Variants in DACH2 observed in about 807,000 individuals in gnomAD.
DACH2 encodes the protein dachshund homolog 2.
A neutral mutation model predicts 35.8 loss-of-function variants in DACH2; 17 were observed. That is an observed-to-expected ratio of 0.48 (90% CI 0.33 to 0.71). The LOEUF (loss-of-function observed/expected upper bound fraction) is 0.71. Ranked by LOEUF, DACH2 falls within the 30% of genes least tolerant of loss-of-function variation. The pLI is 0.02. For missense variants in DACH2, 469 were observed against 472.7 expected, an observed-to-expected ratio of 0.99 and a Z score of 0.07; for synonymous variants, 195 against 177.3, an observed-to-expected ratio of 1.10 and a Z score of -0.79.
chrX:86,641,726 G>A (rs2040349354), intron 3 of DACH2, among the ~76,000 whole-genome samples: 1 of 111,805 alleles, frequency 8.9e-6, no homozygotes, highest in Non-Finnish European at 1.9e-5. Flanking sequence ...AACCTACAAA[G>A]GGATTCCCAT....
intron 3 of DACH2, among the ~76,000 whole-genome samples, chrX:86,617,729 A>G (rs2040023351): frequency 8.9e-6 from 1 of 112,050 alleles, no homozygotes; most frequent in African/African-American, 3.2e-5. Flanking sequence ...TAAAATGTGA[A>G]TTATCAATGC....
At chrX:86,523,461 A>G (rs2038587416) in intron 3 of DACH2, among the ~76,000 whole-genome samples, 1 of 111,922 alleles carries the variant, frequency 8.9e-6, no homozygotes, top group Non-Finnish European at 1.9e-5. Context: ...AACCATTCTG[A>G]TAGTTTCCTT....
At chrX:86,804,333 A>G (rs896439079) in intron 7 of DACH2, among the ~76,000 whole-genome samples, 11 of 111,529 alleles carry the variant, frequency 9.9e-5, no homozygotes, top group African/African-American at 3.6e-4. Flanking sequence ...ACTCACTATC[A>G]TGAGAACCGC....
At chrX:86,806,956 G>A (rs893117875) in intron 7 of DACH2, among the ~76,000 whole-genome samples, 13 of 111,617 alleles carry the variant, frequency 1.2e-4, no homozygotes, top group East Asian at 2.8e-4. Context: ...CTTTGTGGGC[G>A]TTTTGCAACA....
chrX:86,416,199 C>A (rs752999980), intron 2 of DACH2, among the ~76,000 whole-genome samples: 1 of 112,072 alleles, frequency 8.9e-6, no homozygotes, highest in African/African-American at 3.2e-5. Context: ...GAGTGATGAA[C>A]AGAAATGTGA....
At chrX:86,694,938 G>T in intron 4 of DACH2, 83 bp from the exon 5 acceptor site, 2 of 729,736 alleles carry the variant, frequency 2.7e-6, no homozygotes, top group Non-Finnish European at 3.7e-6. Context: ...TAGTATTCAT[G>T]ATTACAGCCC....
chrX:86,178,451 G>A (rs1362351266), intron 1 of DACH2, among the ~76,000 whole-genome samples: 1 of 111,403 alleles, frequency 9.0e-6, no homozygotes, highest in East Asian at 2.8e-4. Context: ...CATAGTACAT[G>A]GATGTAAGTA....
chrX:86,673,553 A>G (rs2040793897), intron 4 of DACH2, among the ~76,000 whole-genome samples: 1 of 111,006 alleles, frequency 9.0e-6, no homozygotes, highest in South Asian at 3.8e-4. Context: ...TGATGGGCAG[A>G]AGAGACTTGC....
chrX:86,278,264 C>T (rs1007146374), intron 1 of DACH2, among the ~76,000 whole-genome samples: 3 of 112,006 alleles, frequency 2.7e-5, no homozygotes, highest in African/African-American at 9.8e-5. Context: ...CATGACAACT[C>T]CCGAGTACAC....
intron 1 of DACH2, among the ~76,000 whole-genome samples, chrX:86,295,279 G>C (rs4828139): frequency 1.4e-4 from 15 of 110,284 alleles, no homozygotes; most frequent in African/African-American, 4.0e-4. Flanking sequence ...GCTTCGGCTC[G>C]CGCACGGTGC....
At chrX:86,333,440 CT>C (rs2035247374) in intron 1 of DACH2, among the ~76,000 whole-genome samples, 1 of 111,361 alleles carries the variant, frequency 9.0e-6, no homozygotes, top group African/African-American at 3.3e-5. Flanking sequence ...CCTTGCTGAC[CT>C]TCTCACACTC....
intron 7 of DACH2, among the ~76,000 whole-genome samples, chrX:86,811,960 G>A (rs1050930594): frequency 8.9e-6 from 1 of 111,761 alleles, no homozygotes; most frequent in African/African-American, 3.2e-5. Context: ...AAAAATAAAA[G>A]AGAGAATAGA....
intron 1 of DACH2, among the ~76,000 whole-genome samples, chrX:86,271,398 A>T (rs2033811205): frequency 8.9e-6 from 1 of 112,520 alleles, no homozygotes; most frequent in Non-Finnish European, 1.9e-5. Flanking sequence ...CTGTACACAG[A>T]ATATTATAAT....
chrX:86,194,336 G>A (rs2031917046), intron 1 of DACH2, among the ~76,000 whole-genome samples: 1 of 111,687 alleles, frequency 9.0e-6, no homozygotes, highest in South Asian at 3.7e-4. Flanking sequence ...TAGCTAATTA[G>A]ATAAATTTGA....
In DACH2 at chrX:86,260,799, A is replaced by G. The variant is rs185280579; in HGVS notation, c.488+111691A>G. 6.3e-3 allele frequency among the ~76,000 whole-genome samples: 516 copies of G among 82,405 alleles called. 2 individuals carry two copies. Among genetic ancestry groups the G allele is most frequent in the Non-Finnish European group, 8.7e-3 (413 of 47,452 alleles). 71.6% of individuals were successfully genotyped at this position (82,405 alleles called of 115,157 possible). A position where few individuals can be genotyped will look rare whatever the true frequency, so the allele number is the denominator to read the frequency against. ...TTGCTCTGGAGACAATTTTGTAAGG[A>G]TTGGAACTCAGATGGGTCTGGCTCC... On this transcript the variant is annotated intron_variant, in intron 1 of 11. Coordinates refer to ENST00000373125, the MANE Select transcript of DACH2 (RefSeq NM_053281.3).
At chrX:86,411,663 A>C (rs923769695) in intron 2 of DACH2, among the ~76,000 whole-genome samples, 7 of 112,038 alleles carry the variant, frequency 6.2e-5, no homozygotes, top group Non-Finnish European at 1.9e-5. Flanking sequence ...AAAATGAAAT[A>C]AAATAAAGAC....
chrX:86,626,840 C>T (rs771979361), intron 3 of DACH2, among the ~76,000 whole-genome samples: 146 of 112,650 alleles, frequency 1.3e-3, no homozygotes, highest in Non-Finnish European at 2.0e-3. Context: ...GGGCCCTGCC[C>T]AGGAAACCAT....
chrX:86,518,880 C>G (rs185980905), intron 3 of DACH2, among the ~76,000 whole-genome samples: 1 of 111,705 alleles, frequency 9.0e-6, no homozygotes, highest in East Asian at 2.8e-4. Context: ...AGTGGGATGC[C>G]CTCTGTTTCT....
In DACH2 at chrX:86,225,465, T is replaced by C. The variant is rs775661656; in HGVS notation, c.488+76357T>C. ...AAAGAGATTTTCCCCTGTTAATTCTTTTTTGCATAAAGTGTCTCAAAATGT... is the reference window on the plus strand; with the variant it reads ...AAAGAGATTTTCCCCTGTTAATTCTCTTTTGCATAAAGTGTCTCAAAATGT... On this transcript the variant is annotated intron_variant, in intron 1 of 11. Coordinates refer to ENST00000373125, the MANE Select transcript of DACH2 (RefSeq NM_053281.3). Among the ~76,000 whole-genome samples, 11 of 111,539 alleles carry C rather than the reference T, an allele frequency of 9.9e-5. No homozygotes were observed. In the East Asian group the frequency reaches 2.8e-3, roughly 29 times the overall value.
Sources: gnomAD v4.1 joint callset for allele counts (sites outside exome capture counted in the v4.1 genomes callset) on GRCh38, gnomAD v4.1.1 for gene constraint, MANE v1.5 for transcripts, NCBI Gene and HGNC (gene_info 2026-07-23, HGNC 2026-07-21) for gene names.